Variants in PIK3CB observed in about 807,000 individuals in gnomAD.
The protein encoded by PIK3CB is phosphatidylinositol 4,5-bisphosphate 3-kinase catalytic subunit beta isoform.
A neutral mutation model predicts 136.8 loss-of-function variants in PIK3CB; 39 were observed. The ratio of observed to expected loss-of-function variants is 0.29; its 90% CI spans 0.22 to 0.37. The LOEUF (loss-of-function observed/expected upper bound fraction) is 0.37. PIK3CB is among the 10% of genes least tolerant of loss of function. The probability of loss-of-function intolerance (pLI) is 1.00; values close to 1 mark genes in which losing one functional copy is unlikely to be tolerated. For missense variants in PIK3CB, 868 were observed against 1,275.4 expected, an observed-to-expected ratio of 0.68 and a Z score of 4.87; for synonymous variants, 428 against 436.6, an observed-to-expected ratio of 0.98 and a Z score of 0.25.
chr3:138,809,535 G>A (rs2046270487), intron 1 of PIK3CB, among the ~76,000 whole-genome samples: 1 of 150,756 alleles, frequency 6.6e-6, no homozygotes, highest in African/African-American at 2.4e-5. Context: ...GAACCCGGGA[G>A]GCAGAGGTTG....
chr3:138,828,306 C>T (rs1386459380), intron 1 of PIK3CB, among the ~76,000 whole-genome samples: 1 of 151,392 alleles, frequency 6.6e-6, no homozygotes, highest in Non-Finnish European at 1.5e-5. Flanking sequence ...TTGCCTCAGC[C>T]TCCCGAGTAG....
At chr3:138,694,674 CTG>C (rs2044097099) in intron 14 of PIK3CB, 110 bp downstream of exon 14, 1 of 1,104,500 alleles carries the variant, frequency 9.1e-7, no homozygotes, top group African/African-American at 1.6e-5. Flanking sequence ...ATGCTTTGAA[CTG>C]TGAATAATTC....
chr3:138,753,354 C>G (rs2045508084), intron 4 of PIK3CB, among the ~76,000 whole-genome samples: 1 of 151,990 alleles, frequency 6.6e-6, no homozygotes, highest in Non-Finnish European at 1.5e-5. Context: ...AACCCTGTCT[C>G]TAATAAAAAT....
chr3:138,760,174 T>C (rs2045643416), intron 2 of PIK3CB, among the ~76,000 whole-genome samples: 3 of 152,220 alleles, frequency 2.0e-5, no homozygotes, highest in Admixed American at 6.5e-5. Context: ...CCGCCCGCCT[T>C]GGCCTCCCAA....
intron 2 of PIK3CB, chr3:138,778,407 GTGGTGCAA>G (rs1469816354): frequency 9.8e-6 from 3 of 306,050 alleles, no homozygotes; most frequent in African/African-American, 6.7e-5. Flanking sequence ...CTGGGAAACT[GTGGTGCAA>G]TGGCTTTCCA....
At chr3:138,682,291 T>G (rs1046766605) in intron 18 of PIK3CB, among the ~76,000 whole-genome samples, 6 of 152,234 alleles carry the variant, frequency 3.9e-5, no homozygotes, top group Non-Finnish European at 5.9e-5. Context: ...AATATAAGCA[T>G]AGCTTCGGAG....
intron 8 of PIK3CB, among the ~76,000 whole-genome samples, chr3:138,719,658 C>T (rs1192193301): frequency 6.6e-6 from 1 of 152,102 alleles, no homozygotes; most frequent in Non-Finnish European, 1.5e-5. Context: ...GTTTAGTTGC[C>T]TGTAAGAACC....
chr3:138,831,261 T>TAAATA (rs34817349), intron 1 of PIK3CB, among the ~76,000 whole-genome samples: 20,022 of 145,354 alleles, frequency 0.14, 1,719 homozygotes, highest in Non-Finnish European at 0.2. Flanking sequence ...CCGTCTCAAA[T>TAAATA]AAATAAAATA....
Position 138,694,920 on chromosome 3 carries a change from T to C in PIK3CB, c.1771-13A>G. The C allele has an allele frequency of 2.5e-6, 4 of 1,590,820 alleles. No homozygotes were observed. The highest frequency in any genetic ancestry group is 3.4e-6 in the Non-Finnish European group (4 of 1,172,316). On this transcript the variant is annotated splice_polypyrimidine_tract_variant and intron_variant, in intron 13 of 23. Coordinates refer to ENST00000674063, the MANE Select transcript of PIK3CB (RefSeq NM_006219.3). ...GCAGCGCCTGAAGCTGTTTAAAAAA[T>C]GAAACTGGTTCAGAAATAATGGGGG...
chr3:138,779,381 C>T (rs1042151765), intron 2 of PIK3CB, among the ~76,000 whole-genome samples: 42 of 141,688 alleles, frequency 3.0e-4, no homozygotes, highest in South Asian at 6.8e-4. Context: ...CCACCACGCC[C>T]GGCCTTCTTT....
intron 12 of PIK3CB, among the ~76,000 whole-genome samples, chr3:138,699,503 CA>C (rs944325035): frequency 1.4e-4 from 19 of 140,270 alleles, no homozygotes; most frequent in Admixed American, 4.9e-4. Flanking sequence ...ATACAAAATA[CA>C]AAAAAAAAAG....
At chr3:138,712,367 A>G in intron 9 of PIK3CB, 63 bp from the exon 10 acceptor site, 1 of 656,364 alleles carries the variant, frequency 1.5e-6, no homozygotes, top group Non-Finnish European at 2.6e-6. Flanking sequence ...AAACATGCAC[A>G]TGTCCTTTGT....
chr3:138,693,967 T>A (rs891440250), intron 14 of PIK3CB, among the ~76,000 whole-genome samples: 3,625 of 16,670 alleles, frequency 0.22, 77 homozygotes, highest in Non-Finnish European at 0.23. Flanking sequence ...ATATATATAT[T>A]ATATATATAT....
At chr3:138,659,670 T>TG (rs2043253380) in intron 21 of PIK3CB, among the ~76,000 whole-genome samples, 1 of 152,180 alleles carries the variant, frequency 6.6e-6, no homozygotes, top group Non-Finnish European at 1.5e-5. Context: ...TGTGGCCTGC[T>TG]GTGTCTCTGC....
chr3:138,665,241 T>G, intron 19 of PIK3CB, 38 bp from the exon 20 acceptor site: 1 of 1,442,648 alleles, frequency 6.9e-7, no homozygotes, highest in Non-Finnish European at 9.3e-7. Flanking sequence ...CATATTTTCC[T>G]TAAAATGAAA....
chr3:138,663,913 G>GT lies in PIK3CB; in HGVS notation c.2788dup (p.Thr930AsnfsTer8), dbSNP rs1224981079. 6.2e-7 allele frequency: 1 copy of GT among 1,613,396 alleles called. No homozygotes were observed. The highest frequency in any genetic ancestry group is 2.2e-5 in the East Asian group (1 of 44,848). ...TCCTGAGGAGCAGCTCACCTGGCCA[G>GT]TTTTTTTGACCATGATGTTGTCACT... On this transcript the variant is annotated frameshift_variant, in exon 21 of 24. Transcript: ENST00000674063. LOFTEE classifies it high-confidence loss of function.
At chr3:138,712,147 C>G in intron 10 of PIK3CB, 61 bp downstream of exon 10, 1 of 712,304 alleles carries the variant, frequency 1.4e-6, no homozygotes, top group East Asian at 2.9e-5. Context: ...TAAATATTAC[C>G]TAGTCCACAT....
chr3:138,775,213 T>C (rs2045844337), intron 2 of PIK3CB, among the ~76,000 whole-genome samples: 1 of 152,186 alleles, frequency 6.6e-6, no homozygotes, highest in Non-Finnish European at 1.5e-5. Context: ...AGGCTGATAA[T>C]GTCATCTCAG....
intron 19 of PIK3CB, among the ~76,000 whole-genome samples, chr3:138,672,232 GAA>G (rs1004145958): frequency 2.0e-5 from 3 of 151,910 alleles, no homozygotes; most frequent in African/African-American, 7.3e-5. Context: ...GATGTGGCAT[GAA>G]AGTTTCCCAT....
Sources: allele counts gnomAD v4.1 joint callset (sites outside exome capture counted in the v4.1 genomes callset), GRCh38; gene constraint gnomAD v4.1.1; transcripts MANE v1.5; gene names NCBI Gene and HGNC (gene_info 2026-07-23, HGNC 2026-07-21).